The following ABCB5 variants were observed in gnomAD, a reference collection of about 807,000 sequenced individuals.
ABCB5 encodes ATP binding cassette subfamily B member 5.
Under a neutral mutation model 144.2 loss-of-function variants are expected in ABCB5, and 155 were observed. The ratio of observed to expected loss-of-function variants is 1.08; its 90% confidence interval spans 0.94 to 1.23. ABCB5 has a LOEUF of 1.23. Ranked by LOEUF, ABCB5 falls within the 50% of genes most tolerant of loss-of-function variation. The pLI is 0.00. For synonymous variants in ABCB5, 610 were observed against 528.6 expected (o/e 1.15, Z -2.11); for missense variants, 1,830 against 1,520.8 (o/e 1.20, Z -3.38).
At chr7:20,617,758 A>T (rs996203359) in intron 1 of ABCB5, among the ~76,000 whole-genome samples, 7 of 152,214 alleles carry the variant, frequency 4.6e-5, no homozygotes, top group Non-Finnish European at 1.0e-4. Context: ...GGTTAAAATC[A>T]AAAGGATAAA....
chr7:20,679,370 G>C (rs1291632320), intron 14 of ABCB5, among the ~76,000 whole-genome samples: 1 of 150,502 alleles, frequency 6.6e-6, no homozygotes, highest in East Asian at 2.0e-4. Flanking sequence ...TCTGGAGGCT[G>C]AGGCAGGAGA....
intron 16 of ABCB5, among the ~76,000 whole-genome samples, chr7:20,690,309 A>G (rs188511408): frequency 1.6e-4 from 24 of 152,344 alleles, no homozygotes; most frequent in African/African-American, 5.5e-4. Context: ...CATCATTATT[A>G]TATCTTATGT....
intron 14 of ABCB5, among the ~76,000 whole-genome samples, chr7:20,665,764 T>TAC (rs1562549553): frequency 1.8e-3 from 241 of 130,536 alleles, no homozygotes; most frequent in Middle Eastern, 7.9e-3. Flanking sequence ...GATAGATAGA[T>TAC]AGAGATACAT....
chr7:20,621,029 T>A (rs1257627482), intron 1 of ABCB5, among the ~76,000 whole-genome samples: 3 of 152,064 alleles, frequency 2.0e-5, no homozygotes, highest in African/African-American at 7.2e-5. Context: ...TTTAAAAAAA[T>A]GTACTATATA....
At chr7:20,625,751 A>G (rs570627607) in intron 2 of ABCB5, among the ~76,000 whole-genome samples, 13 of 152,356 alleles carry the variant, frequency 8.5e-5, no homozygotes, top group African/African-American at 2.9e-4. Flanking sequence ...GTTCCTCAAA[A>G]AATCAATAAT....
rs1337770705 is a variant in ABCB5, at chr7:20,745,481, A to T, written c.3429+43A>T. The T allele has an allele frequency of 1.9e-6, 3 of 1,587,340 alleles. No individual in the cohort carries two copies. The East Asian group carries it at 6.7e-5, about 36-fold the overall frequency. ...ATCTTGAATTATAAAGCTGCCAAGTAAGGCTAAGTAGCTACTGGGCCTATG... is the reference window on the plus strand; with the variant it reads ...ATCTTGAATTATAAAGCTGCCAAGTTAGGCTAAGTAGCTACTGGGCCTATG... On this transcript the variant is annotated intron_variant, in intron 26 of 27. Coordinates refer to ENST00000404938, the MANE Select transcript of ABCB5 (RefSeq NM_001163941.2).
At chr7:20,740,376 A>G (rs1354747134) in intron 24 of ABCB5, among the ~76,000 whole-genome samples, 2 of 152,238 alleles carry the variant, frequency 1.3e-5, no homozygotes, top group African/African-American at 4.8e-5. Context: ...TTTTTAACTT[A>G]TAATTATTTC....
At chr7:20,739,212 G>C in intron 24 of ABCB5, 73 bp downstream of exon 24, 1 of 1,376,070 alleles carries the variant, frequency 7.3e-7, no homozygotes, top group Non-Finnish European at 9.4e-7. Flanking sequence ...CTGAAGATGG[G>C]AGGGAGAGAG....
chr7:20,748,753 GA>G (rs1782815120), intron 26 of ABCB5, among the ~76,000 whole-genome samples: 1 of 151,306 alleles, frequency 6.6e-6, no homozygotes, highest in African/African-American at 2.4e-5. Flanking sequence ...GTGGCAGTGT[GA>G]AAATGGTGAA....
chr7:20,677,857 A>G (rs1457127348), intron 14 of ABCB5, among the ~76,000 whole-genome samples: 1 of 152,186 alleles, frequency 6.6e-6, no homozygotes, highest in East Asian at 1.9e-4. Context: ...CTCACATTGA[A>G]TCCTTTTTAC....
At chr7:20,645,637 G>T in intron 7 of ABCB5, 119 bp from the exon 8 acceptor site, 1 of 1,276,466 alleles carries the variant, frequency 7.8e-7, no homozygotes, top group Non-Finnish European at 1.1e-6. Flanking sequence ...AAAATACAGA[G>T]ATAAAGTCTA....
chr7:20,728,081 T>C (rs1782093340), intron 22 of ABCB5, among the ~76,000 whole-genome samples: 1 of 152,230 alleles, frequency 6.6e-6, no homozygotes, highest in African/African-American at 2.4e-5. Flanking sequence ...AAATTTGTTA[T>C]ACTGAACTAG....
intron 20 of ABCB5, among the ~76,000 whole-genome samples, chr7:20,711,816 C>T (rs1224699246): frequency 2.0e-5 from 1 of 50,720 alleles, no homozygotes; most frequent in African/African-American, 1.8e-4. Context: ...TTCTTTCTTT[C>T]TTTCTTTCTT....
chr7:20,689,857 T>C (rs1786153582), intron 16 of ABCB5, among the ~76,000 whole-genome samples: 1 of 152,086 alleles, frequency 6.6e-6, no homozygotes, highest in African/African-American at 2.4e-5. Context: ...AATAAGTCAA[T>C]AACCAGGACA....
intron 26 of ABCB5, among the ~76,000 whole-genome samples, chr7:20,748,718 C>T (rs1328591193): frequency 1.3e-5 from 2 of 148,590 alleles, no homozygotes; most frequent in East Asian, 2.0e-4. Flanking sequence ...TGGAGCCCAG[C>T]ACTCCCTCCA....
intron 5 of ABCB5, among the ~76,000 whole-genome samples, chr7:20,632,732 A>G (rs955821650): frequency 1.3e-5 from 2 of 152,136 alleles, no homozygotes; most frequent in Non-Finnish European, 2.9e-5. Context: ...GAAATTGGAA[A>G]TCATCATTCT....
chr7:20,745,255 A>C lies in ABCB5; in HGVS notation c.3246A>C (p.Lys1082Asn). 1 of 1,614,010 alleles carries C rather than the reference A, an allele frequency of 6.2e-7. No individual in the cohort carries two copies. ...GQVLFDGVDA[K>N]ELNVQWLRSQ... ...AGCTGTTTGATGGTGTGGATGCAAA[A>C]GAATTGAATGTACAGTGGCTCCGTT... Residue 1082 changes from lysine (K) to asparagine (N), a missense_variant, in exon 26 of 28, where the codon AAA (lysine) becomes AAC (asparagine). Coordinates refer to ENST00000404938, the MANE Select transcript of ABCB5 (RefSeq NM_001163941.2).
At chr7:20,703,391 A>C (rs1230439346) in intron 19 of ABCB5, among the ~76,000 whole-genome samples, 1 of 152,186 alleles carries the variant, frequency 6.6e-6, no homozygotes, top group Non-Finnish European at 1.5e-5. Context: ...TGTAATCTCC[A>C]TAGGATGCTC....
Position 20,643,540 on chromosome 7 carries a change from C to T in ABCB5, c.586C>T (p.Leu196=). The T allele has an allele frequency of 1.2e-6, 2 of 1,613,908 alleles. No homozygotes were observed. The highest frequency in any genetic ancestry group is 1.7e-6 in the Non-Finnish European group (2 of 1,179,858). Residue 196 remains leucine (L), a synonymous_variant, in exon 7 of 28, where the codon CTG becomes TTG. Coordinates refer to ENST00000404938, the MANE Select transcript of ABCB5 (RefSeq NM_001163941.2). The part of the protein sequence containing the change: ...FQNMSTFSIG[L]AVGLVKGWKL... ...AAACATGTCTACTTTTTCGATTGGC[C>T]TGGCAGTTGGTTTGGTGAAGGGCTG...
Sources: allele counts gnomAD v4.1 joint callset (sites outside exome capture counted in the v4.1 genomes callset), GRCh38; gene constraint gnomAD v4.1.1; transcripts MANE v1.5; gene names NCBI Gene and HGNC (gene_info 2026-07-23, HGNC 2026-07-21).